The following RAB11FIP1 variants were observed in gnomAD, a reference collection of about 807,000 sequenced individuals.
RAB11FIP1 encodes the protein RAB11 family interacting protein 1.
RAB11FIP1 carries 49 observed loss-of-function variants against 83.1 expected under a neutral mutation model. The observed-to-expected ratio is 0.59, with a 90% CI of 0.47 to 0.75. The LOEUF is 0.75. Among genes scored for constraint, RAB11FIP1 ranks in the 30% least tolerant of loss-of-function variants. The pLI is 0.00. For synonymous variants in RAB11FIP1, 670 were observed against 656.0 expected, an observed-to-expected ratio of 1.02 and a Z score of -0.33; for missense variants, 1,536 against 1,598.7, an observed-to-expected ratio of 0.96 and a Z score of 0.67.
In RAB11FIP1 at chr8:37,877,532, T is replaced by G. The variant is rs2130162101; in HGVS notation, c.391A>C (p.Lys131Gln). The change falls in exon 2 of 6, where the codon AAA (lysine) becomes CAA (glutamine). Residue 131 changes from lysine (K) to glutamine (Q), a missense_variant. Coordinates refer to ENST00000330843, the MANE Select transcript of RAB11FIP1 (RefSeq NM_001002814.3). ...RKTQWYKLKS[K>Q]PGKKDKERGE... ...CGCTCCTTGTCCTTCTTTCCTGGTT[T>G]GGATTTCAACTTATACCACCTGAAA... The G allele has an allele frequency of 6.2e-7, 1 of 1,606,930 alleles. No individual in the cohort carries two copies. Among genetic ancestry groups the G allele is most frequent in the East Asian group, 2.2e-5 (1 of 44,866 alleles).
intron 2 of RAB11FIP1, among the ~76,000 whole-genome samples, chr8:37,876,131 G>A (rs1806600783): frequency 3.9e-5 from 6 of 151,962 alleles, no homozygotes. Flanking sequence ...GGAGGCGGAA[G>A]TTGCAAAGAG....
chr8:37,888,848 A>G (rs967041079), intron 1 of RAB11FIP1, among the ~76,000 whole-genome samples: 4 of 130,942 alleles, frequency 3.1e-5, no homozygotes, highest in African/African-American at 1.2e-4. Context: ...CCCAGGCCGG[A>G]CTGCAGTGGC....
chr8:37,864,563 C>T (rs1008637522), intron 5 of RAB11FIP1, among the ~76,000 whole-genome samples: 2 of 152,122 alleles, frequency 1.3e-5, no homozygotes, highest in African/African-American at 4.8e-5. Context: ...CAGTCAGTGA[C>T]GCAAACTGCC....
At chr8:37,898,840 G>C (rs1476254549) in intron 1 of RAB11FIP1, among the ~76,000 whole-genome samples, 2 of 141,320 alleles carry the variant, frequency 1.4e-5, no homozygotes, top group African/African-American at 2.6e-5. Context: ...AAAAAAAAAA[G>C]CGCCCCAGAT....
intron 1 of RAB11FIP1, among the ~76,000 whole-genome samples, chr8:37,896,782 A>G (rs572382873): frequency 1.5e-3 from 235 of 152,314 alleles, no homozygotes; most frequent in African/African-American, 5.3e-3. Flanking sequence ...GTCTGGCAAC[A>G]TGCTCTATTT....
chr8:37,888,790 C>CTTTTTTT (rs35214439), intron 1 of RAB11FIP1, among the ~76,000 whole-genome samples: 12 of 100,660 alleles, frequency 1.2e-4, no homozygotes, highest in Admixed American at 2.3e-4. Flanking sequence ...CGTTCTGCAA[C>CTTTTTTT]TTTTTTTTTT....
In RAB11FIP1 at chr8:37,870,496, GC is replaced by G; in HGVS notation, c.3556del (p.Ala1186ProfsTer19). The G allele has an allele frequency of 6.2e-7, 1 of 1,603,396 alleles. No homozygotes were observed. Among genetic ancestry groups the G allele is most frequent in the Non-Finnish European group, 8.5e-7 (1 of 1,170,712 alleles). The part of the protein sequence containing the change: ...LHPVKPMNAM[A>X]TKVANCSLGT... The stretch of plus-strand genomic sequence containing the variant: ...CAAGCTGCAGTTAGCAACCTTGGTG[GC>G]CATTGCATTCATTGGCTTCACAGGA... On this transcript the variant is annotated frameshift_variant, in exon 5 of 6. Transcript: ENST00000330843. LOFTEE classifies it high-confidence loss of function.
intron 1 of RAB11FIP1, among the ~76,000 whole-genome samples, chr8:37,882,067 C>A (rs184471239): frequency 6.6e-6 from 1 of 152,126 alleles, no homozygotes; most frequent in Non-Finnish European, 1.5e-5. Context: ...CCTCACCAAC[C>A]GCAGGCGGGC....
rs985632111 is a variant in RAB11FIP1, at chr8:37,875,037, T to C, written c.1100A>G (p.Lys367Arg). Residue 367 changes from lysine (K) to arginine (R), a missense_variant, in exon 3 of 6, where the codon AAG (lysine) becomes AGG (arginine). By Grantham distance (26) the Lys-to-Arg change is conservative. Coordinates refer to ENST00000330843, the MANE Select transcript of RAB11FIP1 (RefSeq NM_001002814.3). ...STENLAAGSW[K>R]EPAEGGGLSS... is the part of the protein sequence containing the mutation. ...CAGCCCACCTCCTTCAGCAGGCTCC[T>C]TCCAAGACCCAGCCGCCAGGTTCTC... 6.2e-7 allele frequency: 1 copy of C among 1,614,068 alleles called. No homozygotes were observed. Among genetic ancestry groups the C allele is most frequent in the African/African-American group, 1.3e-5 (1 of 74,916 alleles).
At chr8:37,879,654 G>A (rs1806696467) in intron 1 of RAB11FIP1, among the ~76,000 whole-genome samples, 1 of 152,012 alleles carries the variant, frequency 6.6e-6, no homozygotes, top group Non-Finnish European at 1.5e-5. Context: ...AGGCCAAGGC[G>A]GGCAGATCAC....
intron 2 of RAB11FIP1, among the ~76,000 whole-genome samples, chr8:37,876,334 C>G (rs866042055): frequency 2.6e-5 from 4 of 151,700 alleles, no homozygotes; most frequent in African/African-American, 9.7e-5. Context: ...TGGTTCACAC[C>G]GGTCATAAGA....
chr8:37,872,632 G>GGGCT lies in RAB11FIP1; in HGVS notation c.2166_2169dup (p.Gln724SerfsTer13), dbSNP rs777200713. The GGGCT allele has an allele frequency of 1.2e-6, 2 of 1,614,064 alleles. No individual in the cohort carries two copies. Among genetic ancestry groups the GGGCT allele is most frequent in the African/African-American group, 2.7e-5 (2 of 74,908 alleles). ...AGTGAAAGGGCAAACGGTACTTCCT[G>GGGCT]GGCTTCTCCAGATGATGGGCTGTAG... On this transcript the variant is annotated frameshift_variant, in exon 4 of 6. Transcript: ENST00000330843. LOFTEE classifies it high-confidence loss of function.
chr8:37,872,875 G>A lies in RAB11FIP1; in HGVS notation c.1927C>T (p.Pro643Ser), dbSNP rs1364859145. 3.7e-6 allele frequency: 6 copies of A among 1,614,210 alleles called. No individual in the cohort carries two copies. Among genetic ancestry groups the A allele is most frequent in the Admixed American group, 1.7e-5 (1 of 60,018 alleles). ...GCAGAAGAACCAGAATTTGGAACCG[G>A]TGTTAAACTCTCAGTTTGCAACTCT... ...KAELQTESLTPVPNSGSSALG... is the reference protein window; with the variant it reads ...KAELQTESLTSVPNSGSSALG... Residue 643 changes from proline to serine, a missense_variant, in exon 4 of 6, where the codon CCG becomes TCG. Pro to Ser is a moderately conservative substitution (Grantham distance 74, BLOSUM62 -1). Transcript: ENST00000330843.
chr8:37,886,584 C>G (rs1466370207), intron 1 of RAB11FIP1, among the ~76,000 whole-genome samples: 1 of 152,176 alleles, frequency 6.6e-6, no homozygotes, highest in Non-Finnish European at 1.5e-5. Flanking sequence ...CTGCCTACTT[C>G]CTTGGCTACA....
intron 2 of RAB11FIP1, 46 bp downstream of exon 2, chr8:37,877,063 G>A (rs760719019): frequency 1.6e-5 from 22 of 1,347,342 alleles, no homozygotes; most frequent in Non-Finnish European, 2.3e-5. Flanking sequence ...AACGAAGCAT[G>A]GTAAGAGGAA....
At chr8:37,891,626 T>C (rs1300733617) in intron 1 of RAB11FIP1, among the ~76,000 whole-genome samples, 5 of 152,288 alleles carry the variant, frequency 3.3e-5, no homozygotes, top group Non-Finnish European at 5.9e-5. Flanking sequence ...AGAAATACAA[T>C]AGAAGTCTTT....
intron 1 of RAB11FIP1, among the ~76,000 whole-genome samples, chr8:37,896,291 C>T (rs1023260434): frequency 2.3e-4 from 35 of 150,666 alleles, no homozygotes; most frequent in South Asian, 2.3e-3. Context: ...GCCTGGGGGA[C>T]AGAGTGAGAC....
chr8:37,880,767 C>CAAA (rs36034479), intron 1 of RAB11FIP1, among the ~76,000 whole-genome samples: 1 of 84,776 alleles, frequency 1.2e-5, no homozygotes, highest in Non-Finnish European at 2.6e-5. Flanking sequence ...CTATCCCTTT[C>CAAA]AAAAAAAAAA....
chr8:37,898,092 CGA>C (rs1807128733), intron 1 of RAB11FIP1, among the ~76,000 whole-genome samples: 1 of 152,162 alleles, frequency 6.6e-6, no homozygotes, highest in Non-Finnish European at 1.5e-5. Context: ...CAAGCGAAGG[CGA>C]GTATCAGACA....
Sources: allele counts gnomAD v4.1 joint callset (sites outside exome capture counted in the v4.1 genomes callset), GRCh38; gene constraint gnomAD v4.1.1; transcripts MANE v1.5; gene names NCBI Gene and HGNC (gene_info 2026-07-23, HGNC 2026-07-21).